The following PLAGL2 variants were observed in gnomAD, a reference collection of about 807,000 sequenced individuals.
PLAGL2 encodes the protein PLAG1 like zinc finger 2, also known as zinc finger protein PLAGL2.
A neutral mutation model predicts 29.0 loss-of-function variants in PLAGL2; 7 were observed. The ratio of observed to expected loss-of-function variants is 0.24; its 90% confidence interval spans 0.14 to 0.45. The LOEUF (loss-of-function observed/expected upper bound fraction) is 0.45. Ranked by LOEUF, PLAGL2 falls within the 20% of genes least tolerant of loss-of-function variation. The pLI is 0.99. For missense variants in PLAGL2, 454 were observed against 648.2 expected (o/e 0.70, Z 3.25); for synonymous variants, 234 against 266.0 (o/e 0.88, Z 1.17).
At position 32,201,866 on chromosome 20, in the gene PLAGL2, C is replaced by T. The variant is rs1025821937; in HGVS notation, c.260+53G>A. On this transcript the variant is annotated intron_variant, in intron 2 of 2. Transcript: ENST00000246229. ...ACCCACACTAGGCAGAGTCTCTCTG[C>T]TTTTTCCCTCTGGGAACCTCAGGGC... The T allele has an allele frequency of 2.0e-6, 3 of 1,524,088 alleles. No individual in the cohort carries two copies. In the African/African-American group the frequency reaches 4.1e-5, roughly 21 times the overall value. 94.4% of individuals were successfully genotyped at this position (1,524,088 alleles called of 1,614,324 possible).
At chr20:32,199,162 G>A (rs1244066302) in intron 2 of PLAGL2, among the ~76,000 whole-genome samples, 1 of 152,158 alleles carries the variant, frequency 6.6e-6, no homozygotes, top group Non-Finnish European at 1.5e-5. Context: ...AATTTAAACA[G>A]GCCTTCGGAA....
At position 32,197,139 on chromosome 20, in the gene PLAGL2, C is replaced by T. The variant is rs1477137509; in HGVS notation, c.804G>A (p.Val268=). 1 of 1,614,094 alleles carries T rather than the reference C, an allele frequency of 6.2e-7. No individual in the cohort carries two copies. Among genetic ancestry groups the T allele is most frequent in the Non-Finnish European group, 8.5e-7 (1 of 1,180,034 alleles). Residue 268 remains valine (V), a synonymous_variant, in exon 3 of 3, where the codon GTG becomes GTA. Coordinates refer to ENST00000246229, the MANE Select transcript of PLAGL2 (RefSeq NM_002657.3). This position sits in a 1 kb window ranked among gnomAD's most constrained non-coding sequence, Gnocchi z 6.6. ...ACAGCACAGGGCTCAGCTCTTCCTTCACACTGACTGTGGAGCTGCAGCTGA... is the reference window on the plus strand; with the variant it reads ...ACAGCACAGGGCTCAGCTCTTCCTTTACACTGACTGTGGAGCTGCAGCTGA... ...GLLSCSSTVS[V]KEELSPVLCM...
At position 32,194,482 on chromosome 20, in the gene PLAGL2, T is replaced by G. The variant is rs1262089749; in HGVS notation, c.*1970A>C. The G allele has an allele frequency of 6.6e-6, 1 of 152,588 alleles. No individual in the cohort carries two copies. Among genetic ancestry groups the G allele is most frequent in the Non-Finnish European group, 1.5e-5 (1 of 68,046 alleles). 9.5% of individuals were successfully genotyped at this position (152,588 alleles called of 1,614,324 possible). A position where few individuals can be genotyped will look rare whatever the true frequency, so the allele number is the denominator to read the frequency against. On this transcript the variant is annotated 3_prime_UTR_variant, in exon 3 of 3. Transcript: ENST00000246229. Reference sequence around the variant, plus strand: ...TTGCCAGACATTTTAATATCTGGTGTTTTTAAAAAGGTATCCCAAGCTACC... The same window carrying G: ...TTGCCAGACATTTTAATATCTGGTGGTTTTAAAAAGGTATCCCAAGCTACC...
chr20:32,197,804 C>A lies in PLAGL2; in HGVS notation c.261-122G>T. 3 of 733,494 alleles carry A rather than the reference C, an allele frequency of 4.1e-6. No homozygotes were observed. In the South Asian group the frequency reaches 5.4e-5, roughly 13 times the overall value. 45.4% of individuals were successfully genotyped at this position (733,494 alleles called of 1,614,324 possible). A position where few individuals can be genotyped will look rare whatever the true frequency, so the allele number is the denominator to read the frequency against. On this transcript the variant is annotated intron_variant, in intron 2 of 2. Coordinates refer to ENST00000246229, the MANE Select transcript of PLAGL2 (RefSeq NM_002657.3). The surrounding 1 kb of genome is among the most constrained non-coding windows in gnomAD (Gnocchi z 6.6). ...ATATAAAAACCATGGTAAAGGCTTG[C>A]AATGCAATACCAAACCAGTTATATT... is the stretch of plus-strand genomic sequence containing the variant.
rs1337989879 is a variant in PLAGL2 at position 32,197,389 on chromosome 20, C to G, written c.554G>C (p.Gly185Ala). The G allele has an allele frequency of 6.2e-7, 1 of 1,611,106 alleles. No homozygotes were observed. The highest frequency in any genetic ancestry group is 1.1e-5 in the South Asian group (1 of 90,732). Reference protein sequence around the residue: ...LKAHSRRVAGGAKEKKHPCDH... With the variant: ...LKAHSRRVAGAAKEKKHPCDH... Reference sequence around the variant, plus strand: ...ACAGGGGTGCTTCTTCTCCTTGGCACCGCCTGCTACCCGGCGTGAGTGGGC... The same window carrying G: ...ACAGGGGTGCTTCTTCTCCTTGGCAGCGCCTGCTACCCGGCGTGAGTGGGC... The change falls in exon 3 of 3, where the codon GGT becomes GCT. Residue 185 changes from glycine to alanine, a missense_variant. Physicochemically the swap from Gly to Ala is moderately conservative, Grantham distance 60 (BLOSUM62 0). Around this residue, in one of 4 missense-constraint regions of PLAGL2, gnomAD observed 111 missense variants for 173.1 expected, o/e 0.64. Transcript: ENST00000246229. This position sits in a 1 kb window ranked among gnomAD's most constrained non-coding sequence, Gnocchi z 6.6.
At chr20:32,205,760 G>T (rs557927452) in intron 1 of PLAGL2, among the ~76,000 whole-genome samples, 3 of 152,202 alleles carry the variant, frequency 2.0e-5, no homozygotes, top group African/African-American at 4.8e-5. Flanking sequence ...TGGCCTGCTA[G>T]AAGTACCCAA....
rs2047213282 is a variant in PLAGL2 at position 32,193,762 on chromosome 20, T to C, written c.*2690A>G. 6.5e-6 allele frequency: 1 copy of C among 152,878 alleles called. No individual in the cohort carries two copies. Among genetic ancestry groups the C allele is most frequent in the Non-Finnish European group, 1.5e-5 (1 of 68,552 alleles). 9.5% of individuals were successfully genotyped at this position (152,878 alleles called of 1,614,324 possible). On this transcript the variant is annotated 3_prime_UTR_variant, in exon 3 of 3. Coordinates refer to ENST00000246229, the MANE Select transcript of PLAGL2 (RefSeq NM_002657.3). ...CTTATCCTTTGAACAACCAGGCCACTAAGGCTTTTTTTTTCTTTCCCCCCG... is the reference window on the plus strand; with the variant it reads ...CTTATCCTTTGAACAACCAGGCCACCAAGGCTTTTTTTTTCTTTCCCCCCG...
At chr20:32,202,363 T>A (rs1420873495) in intron 1 of PLAGL2, 71 bp from the exon 2 acceptor site, 1 of 610,802 alleles carries the variant, frequency 1.6e-6, no homozygotes, top group Non-Finnish European at 2.9e-6. Context: ...AGCAGACAGA[T>A]CCCGTTCCAA....
rs546420214 is a variant in PLAGL2, at chr20:32,196,537, A to G, written c.1406T>C (p.Phe469Ser). ...DSPGAGGPLN[F>S]GPLHSLPPVF... ...AGGAGGCAAGGAGTGCAGAGGCCCA[A>G]AGTTCAGTGGTCCCCCAGCTCCTGG... Residue 469 changes from phenylalanine to serine, a missense_variant, in exon 3 of 3, where the codon TTT becomes TCT. By Grantham distance (155) the Phe-to-Ser change is radical. This residue lies in a region of PLAGL2 where 247 missense variants were observed against 350.3 expected (regional missense o/e 0.71). Transcript: ENST00000246229. 18 of 1,537,458 alleles carry G rather than the reference A, an allele frequency of 1.2e-5. No individual in the cohort carries two copies. The South Asian group carries it at 2.3e-4, about 20-fold the overall frequency.
rs1033785666 is a variant in PLAGL2, at chr20:32,192,543, T to C, written c.*3909A>G. On this transcript the variant is annotated 3_prime_UTR_variant, in exon 3 of 3. Transcript: ENST00000246229. ...AAGTTTTTAATAAACAACTTCATTA[T>C]AAAAACCTTTTTTTGAAAATGTAAT... The C allele has an allele frequency of 6.6e-6, 1 of 152,642 alleles. No homozygotes were observed. The highest frequency in any genetic ancestry group is 2.4e-5 in the African/African-American group (1 of 41,460). The allele number at this position is 152,642 out of a possible 1,614,324, so 9.5% of individuals were successfully genotyped here.
At chr20:32,202,673 A>G (rs2122544716) in intron 1 of PLAGL2, among the ~76,000 whole-genome samples, 1 of 152,290 alleles carries the variant, frequency 6.6e-6, no homozygotes, top group East Asian at 1.9e-4. Context: ...CTTTCCATTG[A>G]ACCTAGAGAT....
chr20:32,201,479 G>A (rs1393344598), intron 2 of PLAGL2, among the ~76,000 whole-genome samples: 5 of 152,100 alleles, frequency 3.3e-5, no homozygotes, highest in Admixed American at 3.3e-4. Context: ...AGTTACCTGG[G>A]AGAATGAGTC....
Position 32,197,124 on chromosome 20 carries a change from G to T in PLAGL2, c.819C>A (p.Ser273Arg). The change falls in exon 3 of 3, where the codon AGC (serine) becomes AGA (arginine). Residue 273 changes from serine to arginine, a missense_variant. Physicochemically the swap from Ser to Arg is moderately radical, Grantham distance 110 (BLOSUM62 -1). Transcript: ENST00000246229. This position sits in a 1 kb window ranked among gnomAD's most constrained non-coding sequence, Gnocchi z 6.6. The part of the protein sequence containing the change: ...SSTVSVKEEL[S>R]PVLCMASRDV... ...CCCGAGAGGCCATGCACAGCACAGGGCTCAGCTCTTCCTTCACACTGACTG... is the reference window on the plus strand; with the variant it reads ...CCCGAGAGGCCATGCACAGCACAGGTCTCAGCTCTTCCTTCACACTGACTG... 1.2e-6 allele frequency: 2 copies of T among 1,614,142 alleles called. No homozygotes were observed. Among genetic ancestry groups the T allele is most frequent in the Non-Finnish European group, 8.5e-7 (1 of 1,179,972 alleles).
In PLAGL2 at chr20:32,195,326, TCA is replaced by T. The variant is rs1345021892; in HGVS notation, c.*1124_*1125del. The T allele has an allele frequency of 6.6e-6, 1 of 152,638 alleles. No individual in the cohort carries two copies. Among genetic ancestry groups the T allele is most frequent in the Non-Finnish European group, 1.5e-5 (1 of 68,048 alleles). The allele number at this position is 152,638 out of a possible 1,614,324, so 9.5% of individuals were successfully genotyped here. A position where few individuals can be genotyped will look rare whatever the true frequency, so the allele number is the denominator to read the frequency against. ...GGTGGGAGGAAGACCAATGAGGGGC[TCA>T]GACTTCCTCCTTTGCTATCCACACC... On this transcript the variant is annotated 3_prime_UTR_variant, in exon 3 of 3. Transcript: ENST00000246229.
chr20:32,198,301 C>T (rs2047240901), intron 2 of PLAGL2, among the ~76,000 whole-genome samples: 1 of 152,114 alleles, frequency 6.6e-6, no homozygotes, highest in Non-Finnish European at 1.5e-5. Context: ...TTAAACATTA[C>T]ATTTAAATAA....
At position 32,193,129 on chromosome 20, in the gene PLAGL2, A is replaced by G. The variant is rs1467748974; in HGVS notation, c.*3323T>C. On this transcript the variant is annotated 3_prime_UTR_variant, in exon 3 of 3. Transcript: ENST00000246229. ...CTTATTACATAAATATCCTTGTTAA[A>G]AAGCAAAATATTGATCCTGTACAAT... 6.6e-6 allele frequency: 1 copy of G among 152,548 alleles called. No homozygotes were observed. Among genetic ancestry groups the G allele is most frequent in the Non-Finnish European group, 1.5e-5 (1 of 68,050 alleles). The allele number at this position is 152,548 out of a possible 1,614,324, so 9.4% of individuals were successfully genotyped here.
In PLAGL2 at chr20:32,201,908, G is replaced by A; in HGVS notation, c.260+11C>T. 5 of 1,607,510 alleles carry A rather than the reference G, an allele frequency of 3.1e-6. No individual in the cohort carries two copies. Among genetic ancestry groups the A allele is most frequent in the Non-Finnish European group, 4.3e-6 (5 of 1,174,866 alleles). On this transcript the variant is annotated intron_variant, in intron 2 of 2. Transcript: ENST00000246229. ...CCTCAGGGCAGGAAGAGATATGAGA[G>A]TGTCACCTACCTATACAGCTTGTAT... is the stretch of plus-strand genomic sequence containing the variant.
chr20:32,197,082 C>T lies in PLAGL2; in HGVS notation c.861G>A (p.Lys287=). ...CMASRDVMGT[K]AFPGMLPMGM... ...CCATGGGCAACATGCCAGGGAAGGCCTTGGTCCCCATTACGTCCCGAGAGG... is the reference window on the plus strand; with the variant it reads ...CCATGGGCAACATGCCAGGGAAGGCTTTGGTCCCCATTACGTCCCGAGAGG... Residue 287 remains lysine, a synonymous_variant, in exon 3 of 3, where the codon AAG becomes AAA. Coordinates refer to ENST00000246229, the MANE Select transcript of PLAGL2 (RefSeq NM_002657.3). This position sits in a 1 kb window ranked among gnomAD's most constrained non-coding sequence, Gnocchi z 6.6. 6.2e-7 allele frequency: 1 copy of T among 1,614,194 alleles called. No individual in the cohort carries two copies. Among genetic ancestry groups the T allele is most frequent in the Non-Finnish European group, 8.5e-7 (1 of 1,180,028 alleles).
rs1378748931 is a variant in PLAGL2 at position 32,197,601 on chromosome 20, C to G, written c.342G>C (p.Arg114=). The part of the protein sequence containing the change: ...DKMFHRKDHL[R]NHLQTHDPNK... ...TAGGATCATGGGTCTGCAGATGGTT[C>G]CGCAGATGGTCCTTGCGGTGAAACA... Residue 114 remains arginine (R), a synonymous_variant, in exon 3 of 3, where the codon CGG becomes CGC. Coordinates refer to ENST00000246229, the MANE Select transcript of PLAGL2 (RefSeq NM_002657.3). The surrounding 1 kb of genome is among the most constrained non-coding windows in gnomAD (Gnocchi z 6.6). 1.2e-6 allele frequency: 2 copies of G among 1,614,148 alleles called. No individual in the cohort carries two copies. The highest frequency in any genetic ancestry group is 1.7e-5 in the Admixed American group (1 of 60,028).
Sources: allele counts gnomAD v4.1 joint callset (sites outside exome capture counted in the v4.1 genomes callset), GRCh38; gene constraint gnomAD v4.1.1; regional missense constraint gnomAD v4.1.1; non-coding constraint Gnocchi (gnomAD v3.1); transcripts MANE v1.5; gene names NCBI Gene and HGNC (gene_info 2026-07-23, HGNC 2026-07-21).